The following CSMD1 variants were observed in gnomAD, a reference collection of about 807,000 sequenced individuals.
CSMD1 encodes CUB and Sushi multiple domains 1.
A neutral mutation model predicts 417.5 loss-of-function variants in CSMD1; 213 were observed. That is an observed-to-expected ratio of 0.51 (90% CI 0.46 to 0.57). The LOEUF (loss-of-function observed/expected upper bound fraction) is 0.57. Ranked by LOEUF, CSMD1 falls within the 20% of genes least tolerant of loss-of-function variation. The probability of loss-of-function intolerance (pLI) is 0.00; values close to 1 mark genes in which losing one functional copy is unlikely to be tolerated. For missense variants in CSMD1, 6,923 were observed against 4,529.7 expected (o/e 1.53, Z -15.17); for synonymous variants, 2,862 against 1,736.8 (o/e 1.65, Z -16.11).
chr8:3,079,016 A>G (rs1813895174), intron 49 of CSMD1, among the ~76,000 whole-genome samples: 1 of 152,176 alleles, frequency 6.6e-6, no homozygotes, highest in African/African-American at 2.4e-5. Context: ...ACTTCAGTGA[A>G]GTCACTTGCC....
chr8:4,478,575 C>T (rs144477193), intron 2 of CSMD1, among the ~76,000 whole-genome samples: 19 of 152,088 alleles, frequency 1.2e-4, no homozygotes, highest in Non-Finnish European at 2.4e-4. Flanking sequence ...TGATAGTAAA[C>T]GACATTAATA....
chr8:4,590,342 A>G (rs1442847999), intron 2 of CSMD1, among the ~76,000 whole-genome samples: 1 of 152,166 alleles, frequency 6.6e-6, no homozygotes, highest in African/African-American at 2.4e-5. Context: ...TCACATCCAG[A>G]ATACATTAAA....
chr8:4,580,447 A>G (rs1563305505), intron 2 of CSMD1, among the ~76,000 whole-genome samples: 2 of 152,146 alleles, frequency 1.3e-5, no homozygotes, highest in Non-Finnish European at 2.9e-5. Flanking sequence ...TATTGCATCC[A>G]CTTTACAGGT....
At chr8:4,752,860 C>T (rs1811421334) in intron 1 of CSMD1, among the ~76,000 whole-genome samples, 1 of 152,164 alleles carries the variant, frequency 6.6e-6, no homozygotes, top group Non-Finnish European at 1.5e-5. Context: ...AGGAACTAGG[C>T]AGATCAGCAT....
At chr8:3,321,829 T>C (rs1270773807) in intron 23 of CSMD1, among the ~76,000 whole-genome samples, 1 of 152,212 alleles carries the variant, frequency 6.6e-6, no homozygotes, top group East Asian at 1.9e-4. Flanking sequence ...ATAAATGTGT[T>C]TCAAATTTTA....
intron 1 of CSMD1, among the ~76,000 whole-genome samples, chr8:4,970,984 G>A (rs1646203128): frequency 6.6e-6 from 1 of 152,100 alleles, no homozygotes; most frequent in Non-Finnish European, 1.5e-5. Flanking sequence ...TAATAAGAGT[G>A]TTATTTATGG....
At chr8:3,965,660 C>T (rs993301975) in intron 5 of CSMD1, among the ~76,000 whole-genome samples, 1 of 152,086 alleles carries the variant, frequency 6.6e-6, no homozygotes, top group Non-Finnish European at 1.5e-5. Flanking sequence ...CCCTGTCGCC[C>T]AGGCTGGAGT....
chr8:4,706,919 G>A (rs1016159709), intron 1 of CSMD1, among the ~76,000 whole-genome samples: 16 of 152,210 alleles, frequency 1.1e-4, no homozygotes, highest in African/African-American at 3.9e-4. Context: ...TCTGATTCAT[G>A]AAACTATGAG....
At chr8:3,676,401 C>A (rs1274379420) in intron 7 of CSMD1, among the ~76,000 whole-genome samples, 1 of 152,134 alleles carries the variant, frequency 6.6e-6, no homozygotes, top group Non-Finnish European at 1.5e-5. Flanking sequence ...ATACCAAGCA[C>A]CATGCTGGAC....
intron 3 of CSMD1, among the ~76,000 whole-genome samples, chr8:4,337,862 G>C (rs1276135081): frequency 6.6e-6 from 1 of 152,110 alleles, no homozygotes; most frequent in Non-Finnish European, 1.5e-5. Context: ...AAGACTTTAA[G>C]AGTAAAAATA....
At chr8:3,179,090 G>GTC (rs568551154) in intron 37 of CSMD1, among the ~76,000 whole-genome samples, 1 of 151,262 alleles carries the variant, frequency 6.6e-6, no homozygotes, top group Non-Finnish European at 1.5e-5. Flanking sequence ...TGGGACTACA[G>GTC]GCCCGCCACC....
chr8:4,206,122 A>G (rs1181978962), intron 3 of CSMD1, among the ~76,000 whole-genome samples: 2 of 152,220 alleles, frequency 1.3e-5, no homozygotes, highest in African/African-American at 4.8e-5. Flanking sequence ...GGAAAAGGAT[A>G]GGGAGGGTAT....
intron 5 of CSMD1, among the ~76,000 whole-genome samples, chr8:3,755,588 C>G (rs2720867): frequency 0.65 from 98,268 of 151,896 alleles, 33,007 homozygotes; most frequent in South Asian, 0.82. Flanking sequence ...TCTACACAGA[C>G]GATTTCCTAC....
chr8:3,825,297 C>A (rs556131680), intron 5 of CSMD1, among the ~76,000 whole-genome samples: 4 of 152,136 alleles, frequency 2.6e-5, no homozygotes, highest in Admixed American at 2.0e-4. Context: ...TGGGAGACCG[C>A]GACAGGTGGA....
intron 3 of CSMD1, among the ~76,000 whole-genome samples, chr8:4,174,339 C>T (rs1028221709): frequency 2.6e-5 from 4 of 152,116 alleles, no homozygotes; most frequent in African/African-American, 9.7e-5. Flanking sequence ...TCCCGTTTTA[C>T]AGATTAAAGT....
intron 3 of CSMD1, among the ~76,000 whole-genome samples, chr8:4,255,503 C>G (rs1731380921): frequency 6.6e-6 from 1 of 152,142 alleles, no homozygotes; most frequent in Non-Finnish European, 1.5e-5. Context: ...TTGAAATGTG[C>G]AATAGCAGTG....
chr8:3,835,528 T>C (rs1187001838), intron 5 of CSMD1, among the ~76,000 whole-genome samples: 1 of 151,868 alleles, frequency 6.6e-6, no homozygotes, highest in East Asian at 1.9e-4. Flanking sequence ...TGAGAACACA[T>C]GGACACAGGA....
chr8:3,688,881 CACTT>C (rs543082380), intron 7 of CSMD1, among the ~76,000 whole-genome samples: 3 of 152,144 alleles, frequency 2.0e-5, no homozygotes, highest in African/African-American at 7.2e-5. Context: ...GAAATAGACT[CACTT>C]AGATCTCAGA....
At chr8:3,342,277 A>G (rs1807708208) in intron 23 of CSMD1, among the ~76,000 whole-genome samples, 1 of 152,116 alleles carries the variant, frequency 6.6e-6, no homozygotes, top group Non-Finnish European at 1.5e-5. Flanking sequence ...AGGCTCCTGG[A>G]TTAGCTCTGG....
Sources: allele counts gnomAD v4.1 joint callset (sites outside exome capture counted in the v4.1 genomes callset), GRCh38; gene constraint gnomAD v4.1.1; transcripts MANE v1.5; gene names NCBI Gene and HGNC (gene_info 2026-07-23, HGNC 2026-07-21).